Variants in CUX1 observed in about 807,000 individuals in gnomAD.
The protein encoded by CUX1 is protein CASP.
Under a neutral mutation model 158.8 loss-of-function variants are expected in CUX1, and 31 were observed. That is an observed-to-expected ratio of 0.20 (90% CI 0.15 to 0.26). CUX1 has a LOEUF of 0.26. CUX1 is among the 10% of genes least tolerant of loss of function. The pLI is 1.00. For missense variants in CUX1, 1,589 were observed against 2,014.6 expected, an observed-to-expected ratio of 0.79 and a Z score of 4.04; for synonymous variants, 879 against 862.1, an observed-to-expected ratio of 1.02 and a Z score of -0.34.
At chr7:102,021,636 T>TTTTTG (rs1819381855) in intron 2 of CUX1, among the ~76,000 whole-genome samples, 1 of 98,358 alleles carries the variant, frequency 1.0e-5, no homozygotes, top group Non-Finnish European at 2.1e-5. Context: ...TTTTTTTTTT[T>TTTTTG]GGATGGAGTT....
At chr7:102,034,703 G>C (rs1158928812) in intron 3 of CUX1, among the ~76,000 whole-genome samples, 1 of 146,046 alleles carries the variant, frequency 6.8e-6, no homozygotes, top group Non-Finnish European at 1.5e-5. Context: ...CAGTGAGCCG[G>C]GATCGTGCCA....
intron 3 of CUX1, among the ~76,000 whole-genome samples, chr7:102,037,246 T>G (rs1278010567): frequency 1.3e-5 from 2 of 152,188 alleles, no homozygotes; most frequent in Non-Finnish European, 2.9e-5. Context: ...TTACACCGTG[T>G]GGAAACACAA....
chr7:102,165,387 CT>C (rs1268395234), intron 9 of CUX1, among the ~76,000 whole-genome samples: 1 of 143,388 alleles, frequency 7.0e-6, no homozygotes, highest in Admixed American at 7.1e-5. Flanking sequence ...GAGTCTCACC[CT>C]GTGACCCAGG....
rs751540940 is a variant in CUX1 at position 102,251,846 on chromosome 7, T to C, written c.*2804T>C. ...TTAGTTTTAAAGGCATGACTGTTATTTACAAAGGTGTTAAATCTGAGGAAA... is the reference window on the plus strand; with the variant it reads ...TTAGTTTTAAAGGCATGACTGTTATCTACAAAGGTGTTAAATCTGAGGAAA... On this transcript the variant is annotated 3_prime_UTR_variant, in exon 24 of 24. Transcript: ENST00000292535. 82 of 985,326 alleles carry C rather than the reference T, an allele frequency of 8.3e-5. No homozygotes were observed. Among genetic ancestry groups the C allele is most frequent in the Non-Finnish European group, 9.6e-5 (80 of 829,934 alleles). The allele number at this position is 985,326 out of a possible 1,614,324, so 61.0% of individuals were successfully genotyped here. A position where few individuals can be genotyped will look rare whatever the true frequency, so the allele number is the denominator to read the frequency against.
chr7:102,249,535 G>A lies in CUX1; in HGVS notation c.*493G>A. The A allele has an allele frequency of 1.0e-6, 1 of 985,804 alleles. No homozygotes were observed. 61.1% of individuals were successfully genotyped at this position (985,804 alleles called of 1,614,324 possible). A position where few individuals can be genotyped will look rare whatever the true frequency, so the allele number is the denominator to read the frequency against. ...CACAGGTTCTGGAATAACTCTTACAGCTTTGCCTTGTGTCCTCCTGTTCCG... is the reference window on the plus strand; with the variant it reads ...CACAGGTTCTGGAATAACTCTTACAACTTTGCCTTGTGTCCTCCTGTTCCG... On this transcript the variant is annotated 3_prime_UTR_variant, in exon 24 of 24. Transcript: ENST00000292535.
chr7:102,231,958 C>A (rs1799047126), intron 21 of CUX1, among the ~76,000 whole-genome samples: 1 of 151,576 alleles, frequency 6.6e-6, no homozygotes, highest in Non-Finnish European at 1.5e-5. Flanking sequence ...CATGATCTGC[C>A]CACCTTGGCC....
At chr7:101,958,646 A>C (rs1447476298) in intron 2 of CUX1, among the ~76,000 whole-genome samples, 1 of 150,780 alleles carries the variant, frequency 6.6e-6, no homozygotes, top group African/African-American at 2.4e-5. Flanking sequence ...ATGCCTGGCT[A>C]ATTTTGTATT....
intron 20 of CUX1, among the ~76,000 whole-genome samples, chr7:102,226,953 A>T (rs1798398989): frequency 6.6e-6 from 1 of 152,208 alleles, no homozygotes; most frequent in Non-Finnish European, 1.5e-5. Flanking sequence ...ATTTAAAACA[A>T]TCTGTCTATG....
chr7:102,037,572 G>A (rs1449378835), intron 3 of CUX1, among the ~76,000 whole-genome samples: 1 of 150,980 alleles, frequency 6.6e-6, no homozygotes, highest in African/African-American at 2.4e-5. Flanking sequence ...GGCTGGTCTC[G>A]AACTCCCAAC....
At chr7:102,047,518 G>C (rs1257992137) in intron 3 of CUX1, among the ~76,000 whole-genome samples, 1 of 149,510 alleles carries the variant, frequency 6.7e-6, no homozygotes, top group African/African-American at 2.5e-5. Context: ...GAAGGAGGGA[G>C]GGAGAGATGG....
intron 8 of CUX1, among the ~76,000 whole-genome samples, chr7:102,157,447 C>T (rs1554505630): frequency 2.0e-5 from 3 of 152,156 alleles, no homozygotes; most frequent in African/African-American, 7.2e-5. Context: ...GCTGCTCTAA[C>T]CTCCCATAGG....
intron 2 of CUX1, among the ~76,000 whole-genome samples, chr7:101,984,645 C>A (rs1814044077): frequency 6.6e-6 from 1 of 151,930 alleles, no homozygotes; most frequent in Admixed American, 6.6e-5. Context: ...CTGGCACAAG[C>A]GCAGATGGGC....
At chr7:102,069,247 C>T (rs1825875694) in intron 3 of CUX1, among the ~76,000 whole-genome samples, 1 of 152,190 alleles carries the variant, frequency 6.6e-6, no homozygotes, top group Admixed American at 6.5e-5. Context: ...GGTCTCCCTG[C>T]ACCATGCACC....
At chr7:102,092,439 G>A (rs1440051756) in intron 4 of CUX1, among the ~76,000 whole-genome samples, 1 of 152,174 alleles carries the variant, frequency 6.6e-6, no homozygotes, top group East Asian at 1.9e-4. Context: ...CTTGTCTCTA[G>A]GACCCATTTC....
intron 2 of CUX1, among the ~76,000 whole-genome samples, chr7:102,001,767 A>G (rs915733209): frequency 1.3e-5 from 2 of 152,218 alleles, no homozygotes; most frequent in African/African-American, 4.8e-5. Flanking sequence ...CAGGTTCTTG[A>G]TAAGCGTGTG....
rs1828212351 is a variant in CUX1, at chr7:102,088,746, A to G, written c.269-8618A>G. ...ACAGGCGATCTCCAGTAATTCATAT[A>G]TATTTTTTTAACCTATATACAATTA... On this transcript the variant is annotated intron_variant, in intron 4 of 23. Coordinates refer to ENST00000292535, the MANE Select transcript of CUX1 (RefSeq NM_181552.4). Among the ~76,000 whole-genome samples, 4 of 152,324 alleles carry G rather than the reference A, an allele frequency of 2.6e-5. No homozygotes were observed. In the East Asian group the frequency reaches 5.8e-4, roughly 22 times the overall value.
Position 102,092,665 on chromosome 7 carries a change from G to A in CUX1, c.269-4699G>A, listed in dbSNP as rs548331202. Among the ~76,000 whole-genome samples, 5 of 152,244 alleles carry A rather than the reference G, an allele frequency of 3.3e-5. No individual in the cohort carries two copies. The South Asian group carries it at 8.3e-4, about 25-fold the overall frequency. ...GGTGGCTCATGCCTGTAATCCCAGC[G>A]CTTGGGGAGGCCAAGGTGAGCAGAT... On this transcript the variant is annotated intron_variant, in intron 4 of 23. Coordinates refer to ENST00000292535, the MANE Select transcript of CUX1 (RefSeq NM_181552.4).
At chr7:102,164,802 A>G (rs1358565759) in intron 9 of CUX1, among the ~76,000 whole-genome samples, 2 of 152,106 alleles carry the variant, frequency 1.3e-5, no homozygotes, top group East Asian at 3.9e-4. Context: ...TCCTGGGTCT[A>G]CTTTGTTCCT....
chr7:102,282,783 AC>A, intron 22 of CUX1: 1 of 1,563,228 alleles, frequency 6.4e-7, no homozygotes, highest in Non-Finnish European at 8.7e-7. Context: ...AGAAGTGAGG[AC>A]CCCCACTTGG....
Sources: allele counts gnomAD v4.1 joint callset (sites outside exome capture counted in the v4.1 genomes callset), GRCh38; gene constraint gnomAD v4.1.1; transcripts MANE v1.5; gene names NCBI Gene and HGNC (gene_info 2026-07-23, HGNC 2026-07-21).